The following CNOT4 variants were observed in gnomAD, a reference collection of about 807,000 sequenced individuals.
CNOT4 encodes the protein CCR4-associated factor 4.
CNOT4 carries 8 observed loss-of-function variants against 73.8 expected under a neutral mutation model. That is an observed-to-expected ratio of 0.11 (90% CI 0.06 to 0.20). CNOT4 has a LOEUF of 0.20. Among genes scored for constraint, CNOT4 ranks in the 10% least tolerant of loss-of-function variants. CNOT4 has a pLI of 1.00. For synonymous variants in CNOT4, 293 were observed against 321.1 expected, an observed-to-expected ratio of 0.91 and a Z score of 0.94; for missense variants, 564 against 883.4, an observed-to-expected ratio of 0.64 and a Z score of 4.58.
intron 1 of CNOT4, among the ~76,000 whole-genome samples, chr7:135,468,475 G>A (rs1801366212): frequency 6.6e-6 from 1 of 152,036 alleles, no homozygotes; most frequent in Non-Finnish European, 1.5e-5. Context: ...GAGGTCAGGA[G>A]TTCAAGACCA....
rs61345541 is a variant in CNOT4 at position 135,453,848 on chromosome 7, T to TATATATATATATATATATA, written c.-92-15426_-92-15425insTATATATATATATATATAT. Among the ~76,000 whole-genome samples, 384 of 116,580 alleles carry TATATATATATATATATATA rather than the reference T, an allele frequency of 3.3e-3. 4 individuals carry two copies. Among genetic ancestry groups the TATATATATATATATATATA allele is most frequent in the Non-Finnish European group, 5.0e-3 (275 of 54,472 alleles). The allele number at this position is 116,580 out of a possible 152,430, so 76.5% of individuals were successfully genotyped here. A position where few individuals can be genotyped will look rare whatever the true frequency, so the allele number is the denominator to read the frequency against. On this transcript the variant is annotated intron_variant, in intron 1 of 11. Coordinates refer to ENST00000541284, the MANE Select transcript of CNOT4 (RefSeq NM_001190850.2). ...ATTTTATATATATATATATATATAT[T>TATATATATATATATATATA]ATATATATAGCTGGTACAGCAGCTC...
chr7:135,495,030 T>G (rs1803371259), intron 1 of CNOT4, among the ~76,000 whole-genome samples: 1 of 152,214 alleles, frequency 6.6e-6, no homozygotes, highest in South Asian at 2.1e-4. Flanking sequence ...AATAGATCTA[T>G]GAAATAGGTG....
chr7:135,483,033 A>C (rs1055653711), intron 1 of CNOT4, among the ~76,000 whole-genome samples: 1 of 151,126 alleles, frequency 6.6e-6, no homozygotes. Context: ...CCTGAACAAA[A>C]TATTAGCAAA....
chr7:135,508,281 G>A (rs17481669), intron 1 of CNOT4, among the ~76,000 whole-genome samples: 2 of 152,110 alleles, frequency 1.3e-5, no homozygotes, highest in South Asian at 4.1e-4. Flanking sequence ...AGCCAGGGCT[G>A]CTTCTTCCCA....
At chr7:135,466,069 T>A (rs1400324849) in intron 1 of CNOT4, among the ~76,000 whole-genome samples, 1 of 151,862 alleles carries the variant, frequency 6.6e-6, no homozygotes, top group African/African-American at 2.4e-5. Context: ...AAATAAAAAT[T>A]AAAAATTAAA....
chr7:135,375,617 T>C (rs1795471144), intron 10 of CNOT4, among the ~76,000 whole-genome samples: 1 of 152,182 alleles, frequency 6.6e-6, no homozygotes. Context: ...AAAAATGTGT[T>C]AGTTTTTTTA....
chr7:135,400,853 ATTTAT>A (rs755088644), intron 7 of CNOT4, among the ~76,000 whole-genome samples: 12 of 152,164 alleles, frequency 7.9e-5, no homozygotes, highest in Admixed American at 3.9e-4. Flanking sequence ...ATTCTTCTCA[ATTTAT>A]TTTAACAATA....
At chr7:135,387,702 T>C in intron 10 of CNOT4, 1 of 984,886 alleles carries the variant, frequency 1.0e-6, no homozygotes, top group African/African-American at 1.7e-5. Context: ...TGCTCCAAAC[T>C]AAGTACAGTT....
chr7:135,510,090 G>GT lies in CNOT4; in HGVS notation c.-295dup. 5.0e-6 allele frequency: 2 copies of GT among 399,026 alleles called. No homozygotes were observed. The highest frequency in any genetic ancestry group is 8.8e-6 in the Non-Finnish European group (2 of 226,086). The allele number at this position is 399,026 out of a possible 1,614,324, so 24.7% of individuals were successfully genotyped here. ...AGACGGGCCACCATCTTACATTAGG[G>GT]TAAGACTCCTCCGGCCTCCCGTGCG... On this transcript the variant is annotated 5_prime_UTR_variant, in exon 1 of 12. Coordinates refer to ENST00000541284, the MANE Select transcript of CNOT4 (RefSeq NM_001190850.2).
chr7:135,464,024 CAAA>C (rs747402254), intron 1 of CNOT4, among the ~76,000 whole-genome samples: 1 of 109,638 alleles, frequency 9.1e-6, no homozygotes, highest in Admixed American at 1.0e-4. Context: ...ATTAAAAAGT[CAAA>C]AAAAAAAAAA....
chr7:135,414,800 T>G (rs970609101), intron 4 of CNOT4, among the ~76,000 whole-genome samples: 1 of 152,016 alleles, frequency 6.6e-6, no homozygotes, highest in African/African-American at 2.4e-5. Context: ...ATAAATGCAA[T>G]CTGGAAAACT....
chr7:135,412,999 T>C (rs1322937170), intron 6 of CNOT4, among the ~76,000 whole-genome samples: 1 of 152,036 alleles, frequency 6.6e-6, no homozygotes, highest in East Asian at 1.9e-4. Flanking sequence ...ATGGGGAGAA[T>C]AATTTTGTAA....
intron 1 of CNOT4, among the ~76,000 whole-genome samples, chr7:135,449,004 C>T (rs1800004028): frequency 6.6e-6 from 1 of 151,798 alleles, no homozygotes; most frequent in Admixed American, 6.6e-5. Context: ...GAGTAGTAAA[C>T]AGACAGGAGA....
At chr7:135,482,178 T>C (rs757441537) in intron 1 of CNOT4, among the ~76,000 whole-genome samples, 42 of 152,204 alleles carry the variant, frequency 2.8e-4, no homozygotes, top group Non-Finnish European at 5.4e-4. Flanking sequence ...ATGCATATAA[T>C]ACTCACATGT....
At chr7:135,428,198 C>T (rs1462192935) in intron 2 of CNOT4, among the ~76,000 whole-genome samples, 1 of 152,190 alleles carries the variant, frequency 6.6e-6, no homozygotes, top group South Asian at 2.1e-4. Context: ...AAGCACATGG[C>T]AGCCCTAATG....
intron 2 of CNOT4, among the ~76,000 whole-genome samples, chr7:135,436,268 T>C (rs1336083402): frequency 6.6e-6 from 1 of 152,084 alleles, no homozygotes; most frequent in African/African-American, 2.4e-5. Context: ...ATGACTTTCT[T>C]TGTAATTTCC....
At position 135,481,469 on chromosome 7, in the gene CNOT4, A is replaced by C. The variant is rs1191472050; in HGVS notation, c.-93+28420T>G. ...ACAGATGCTGGCAAGCATGCAGAGA[A>C]AAAGAGAACTCTTAAACACTGTTGG... is the stretch of plus-strand genomic sequence containing the variant. On this transcript the variant is annotated intron_variant, in intron 1 of 11. Transcript: ENST00000541284. 2.0e-5 allele frequency among the ~76,000 whole-genome samples: 3 copies of C among 152,228 alleles called. No individual in the cohort carries two copies. The East Asian group carries it at 5.8e-4, about 29-fold the overall frequency.
At chr7:135,434,617 C>G (rs1289128605) in intron 2 of CNOT4, among the ~76,000 whole-genome samples, 1 of 152,148 alleles carries the variant, frequency 6.6e-6, no homozygotes, top group African/African-American at 2.4e-5. Flanking sequence ...AATTCATGAT[C>G]TTATCCAGTC....
intron 2 of CNOT4, among the ~76,000 whole-genome samples, chr7:135,433,301 A>G (rs908490821): frequency 1.3e-5 from 2 of 149,020 alleles, no homozygotes; most frequent in Non-Finnish European, 3.0e-5. Context: ...TTAATTTTCA[A>G]TGACAATGGT....
Sources: allele counts gnomAD v4.1 joint callset (sites outside exome capture counted in the v4.1 genomes callset), GRCh38; gene constraint gnomAD v4.1.1; transcripts MANE v1.5; gene names NCBI Gene and HGNC (gene_info 2026-07-23, HGNC 2026-07-21).